Variants in SPTB observed in about 807,000 individuals in gnomAD.
The protein encoded by SPTB is spectrin beta chain, erythrocytic.
Under a neutral mutation model 256.2 loss-of-function variants are expected in SPTB, and 45 were observed. The observed-to-expected ratio is 0.18, with a 90% confidence interval of 0.14 to 0.23. The LOEUF is 0.23. Ranked by LOEUF, SPTB falls within the 10% of genes least tolerant of loss-of-function variation. The pLI, the probability that SPTB is intolerant of heterozygous loss-of-function variation, is 1.00. For synonymous variants in SPTB, 1,231 were observed against 1,243.1 expected, an observed-to-expected ratio of 0.99 and a Z score of 0.21; for missense variants, 2,715 against 3,040.4, an observed-to-expected ratio of 0.89 and a Z score of 2.52.
At chr14:64,774,773 C>T (rs1029068088) in intron 23 of SPTB, among the ~76,000 whole-genome samples, 18 of 152,148 alleles carry the variant, frequency 1.2e-4, no homozygotes, top group African/African-American at 4.3e-4. Flanking sequence ...TGCTCTAACC[C>T]CTGTCCCCAT....
chr14:64,857,017 C>G (rs1361426966), intron 1 of SPTB, among the ~76,000 whole-genome samples: 2 of 152,128 alleles, frequency 1.3e-5, no homozygotes, highest in African/African-American at 4.8e-5. Context: ...CCTGTGAAAC[C>G]CTTTGAGGGA....
chr14:64,851,522 C>G (rs182299938), intron 1 of SPTB, among the ~76,000 whole-genome samples: 1 of 151,986 alleles, frequency 6.6e-6, no homozygotes, highest in Non-Finnish European at 1.5e-5. Context: ...AGCAGCAGTA[C>G]GAGTTTGTCC....
chr14:64,838,856 G>C (rs2083563660), intron 1 of SPTB, among the ~76,000 whole-genome samples: 1 of 152,154 alleles, frequency 6.6e-6, no homozygotes, highest in Non-Finnish European at 1.5e-5. Flanking sequence ...ATTTAGGGCT[G>C]GGTGTGGTGA....
At chr14:64,843,039 T>C (rs922688175) in intron 1 of SPTB, among the ~76,000 whole-genome samples, 1 of 152,002 alleles carries the variant, frequency 6.6e-6, no homozygotes, top group Admixed American at 6.6e-5. Context: ...CACTCCAGCC[T>C]GGGTGACAGA....
chr14:64,837,404 T>C (rs886978137), intron 1 of SPTB, among the ~76,000 whole-genome samples: 1 of 151,980 alleles, frequency 6.6e-6, no homozygotes, highest in Admixed American at 6.6e-5. Flanking sequence ...TATAAGACAA[T>C]ATGGGCAAGA....
At chr14:64,818,341 C>T (rs952539030) in intron 2 of SPTB, among the ~76,000 whole-genome samples, 5 of 152,262 alleles carry the variant, frequency 3.3e-5, no homozygotes, top group South Asian at 2.1e-4. Context: ...CTGTAAAACA[C>T]GCAGCGGGCG....
Position 64,822,838 on chromosome 14 carries a change from C to A in SPTB, c.148+109G>T, listed in dbSNP as rs995763841. 39 of 1,523,438 alleles carry A rather than the reference C, an allele frequency of 2.6e-5. No individual in the cohort carries two copies. The highest frequency in any genetic ancestry group is 3.4e-5 in the Non-Finnish European group (37 of 1,100,754). The allele number at this position is 1,523,438 out of a possible 1,614,324, so 94.4% of individuals were successfully genotyped here. ...CCCGACAAACACGTCTCCATCACTG[C>A]CATGCCAGGGCTCACCCAACACACA... On this transcript the variant is annotated intron_variant, in intron 2 of 35. Coordinates refer to ENST00000644917, the MANE Select transcript of SPTB (RefSeq NM_001355436.2).
chr14:64,802,493 G>C lies in SPTB; in HGVS notation c.475-176C>G. 6.6e-6 allele frequency among the ~76,000 whole-genome samples: 1 copy of C among 152,072 alleles called. No homozygotes were observed. Among genetic ancestry groups the C allele is most frequent in the Non-Finnish European group, 1.5e-5 (1 of 68,024 alleles). ...TCTCCCTTCATGTGCCCTGCTCCCT[G>C]CATTTACATTTCCTTCTCTCTCCTA... On this transcript the variant is annotated intron_variant, in intron 4 of 35. Transcript: ENST00000644917. This position sits in a 1 kb window ranked among gnomAD's most constrained non-coding sequence, Gnocchi z 5.1.
chr14:64,841,891 A>G lies in SPTB; in HGVS notation c.-51-18746T>C, dbSNP rs954251297. Among the ~76,000 whole-genome samples, 6 of 152,164 alleles carry G rather than the reference A, an allele frequency of 3.9e-5. No individual in the cohort carries two copies. Among genetic ancestry groups the G allele is most frequent in the African/African-American group, 1.2e-4 (5 of 41,434 alleles). ...GTTGCAGTTTGATAACGCTCTCCTC[A>G]TATCTGTTAAAGAGCGCGGCAAATG... On this transcript the variant is annotated intron_variant, in intron 1 of 35. Transcript: ENST00000644917. This position sits in a 1 kb window ranked among gnomAD's most constrained non-coding sequence, Gnocchi z 4.6.
chr14:64,811,355 G>GCATGCACACACGCA (rs1195853287), intron 2 of SPTB, among the ~76,000 whole-genome samples: 3 of 152,166 alleles, frequency 2.0e-5, no homozygotes, highest in Non-Finnish European at 4.4e-5. Flanking sequence ...AAGCCCACGT[G>GCATGCACACACGCA]CATGCACACA....
In SPTB at chr14:64,823,062, G is replaced by T. The variant is rs202129894; in HGVS notation, c.33C>A (p.Gly11=). The T allele has an allele frequency of 1.1e-5, 17 of 1,614,162 alleles. No individual in the cohort carries two copies. The highest frequency in any genetic ancestry group is 1.1e-5 in the Non-Finnish European group (13 of 1,180,042). The part of the protein sequence containing the change: MTSATEFENV[G]NQPPYSRINA... Reference sequence around the variant, plus strand: ...TGATCCTGCTGTAAGGTGGCTGGTTGCCCACATTTTCAAACTCTGTGGCCG... The same window carrying T: ...TGATCCTGCTGTAAGGTGGCTGGTTTCCCACATTTTCAAACTCTGTGGCCG... The change falls in exon 2 of 36, where the codon GGC becomes GGA. Residue 11 remains glycine (G), a synonymous_variant. Transcript: ENST00000644917. The surrounding 1 kb of genome is among the most constrained non-coding windows in gnomAD (Gnocchi z 6.5).
intron 1 of SPTB, among the ~76,000 whole-genome samples, chr14:64,855,538 A>AAGACGGGGTCTTGC (rs11270613): frequency 3.3e-5 from 5 of 151,804 alleles, no homozygotes; most frequent in Admixed American, 6.6e-5. Flanking sequence ...ATCTTTTCAT[A>AAGACGGGGTCTTGC]TACGTTGACC....
chr14:64,851,873 AG>A (rs2083794100), intron 1 of SPTB, among the ~76,000 whole-genome samples: 1 of 112,218 alleles, frequency 8.9e-6, no homozygotes, highest in Non-Finnish European at 1.8e-5. Flanking sequence ...TGGGGGGTGG[AG>A]GGGGGAGGGA....
intron 32 of SPTB, chr14:64,754,113 A>G (rs540807130): frequency 7.3e-4 from 338 of 463,008 alleles, no homozygotes; most frequent in African/African-American, 5.6e-3. Context: ...TGATTATTTC[A>G]TTAAAGGGGT....
At chr14:64,863,390 C>A (rs546114185) in intron 1 of SPTB, among the ~76,000 whole-genome samples, 31 of 152,284 alleles carry the variant, frequency 2.0e-4, no homozygotes, top group Non-Finnish European at 3.5e-4. Flanking sequence ...TGCCCTGGGC[C>A]ACATGCAGCC....
rs1217897804 is a variant in SPTB at position 64,778,520 on chromosome 14, T to C, written c.4563+637A>G. On this transcript the variant is annotated intron_variant, in intron 22 of 35. Transcript: ENST00000644917. This position sits in a 1 kb window ranked among gnomAD's most constrained non-coding sequence, Gnocchi z 5.2. The stretch of plus-strand genomic sequence containing the variant: ...ATGATTCAGGCTCCCACTGCAGCCC[T>C]GACCCAAGAGGGAGTGCTTGGCATC... Among the ~76,000 whole-genome samples, 2 of 152,162 alleles carry C rather than the reference T, an allele frequency of 1.3e-5. No homozygotes were observed. Among genetic ancestry groups the C allele is most frequent in the Non-Finnish European group, 2.9e-5 (2 of 68,026 alleles).
chr14:64,826,363 C>T lies in SPTB; in HGVS notation c.-51-3218G>A, dbSNP rs2083378060. Among the ~76,000 whole-genome samples the T allele has an allele frequency of 6.6e-6, 1 of 152,050 alleles. No individual in the cohort carries two copies. The highest frequency in any genetic ancestry group is 2.1e-4 in the South Asian group (1 of 4,814). On this transcript the variant is annotated intron_variant, in intron 1 of 35. Transcript: ENST00000644917. The surrounding 1 kb of genome is among the most constrained non-coding windows in gnomAD (Gnocchi z 4.4). ...CAAAGGCCTGGCTATAAAGAGATGACCATGACTGAAAAAAACAGCATATGT... is the reference window on the plus strand; with the variant it reads ...CAAAGGCCTGGCTATAAAGAGATGATCATGACTGAAAAAAACAGCATATGT...
intron 33 of SPTB, 29 bp from the exon 34 acceptor site, chr14:64,750,183 C>T (rs770796706): frequency 6.2e-7 from 1 of 1,606,728 alleles, no homozygotes; most frequent in East Asian, 2.2e-5. Flanking sequence ...GCAGGTCACC[C>T]ACATCCTGAT....
In SPTB at chr14:64,824,579, C is replaced by G. The variant is rs751709683; in HGVS notation, c.-51-1434G>C. Among the ~76,000 whole-genome samples the G allele has an allele frequency of 1.3e-5, 2 of 152,124 alleles. No individual in the cohort carries two copies. The highest frequency in any genetic ancestry group is 2.1e-4 in the South Asian group (1 of 4,822). On this transcript the variant is annotated intron_variant, in intron 1 of 35. Coordinates refer to ENST00000644917, the MANE Select transcript of SPTB (RefSeq NM_001355436.2). This position sits in a 1 kb window ranked among gnomAD's most constrained non-coding sequence, Gnocchi z 5.7. ...CCCAGAGCCTTCACAACCAAGAGAGCAAAGCGGGAGGCAGGGAGGCTGTGA... is the reference window on the plus strand; with the variant it reads ...CCCAGAGCCTTCACAACCAAGAGAGGAAAGCGGGAGGCAGGGAGGCTGTGA...
Sources: gnomAD v4.1 joint callset for allele counts (sites outside exome capture counted in the v4.1 genomes callset) on GRCh38, gnomAD v4.1.1 for gene constraint, Gnocchi (gnomAD v3.1) non-coding constraint, MANE v1.5 for transcripts, NCBI Gene and HGNC (gene_info 2026-07-23, HGNC 2026-07-21) for gene names.